Variants in DIS3L2 observed in about 807,000 individuals in gnomAD.
DIS3L2 encodes the protein DIS3 like 3'-5' exoribonuclease 2.
DIS3L2 carries 34 observed loss-of-function variants against 97.5 expected under a neutral mutation model. The observed-to-expected ratio is 0.35, with a 90% CI of 0.27 to 0.46. The LOEUF (loss-of-function observed/expected upper bound fraction) is 0.46, where lower values mean the gene tolerates loss of function less well. Among genes scored for constraint, DIS3L2 ranks in the 20% least tolerant of loss-of-function variants. The probability of loss-of-function intolerance (pLI) is 1.00; values close to 1 mark genes in which losing one functional copy is unlikely to be tolerated. For missense variants in DIS3L2, 1,038 were observed against 1,146.0 expected, an observed-to-expected ratio of 0.91 and a Z score of 1.36; for synonymous variants, 435 against 445.2, an observed-to-expected ratio of 0.98 and a Z score of 0.29.
chr2:232,171,363 T>C lies in DIS3L2; in HGVS notation c.1124+7731T>C, dbSNP rs1343543851. On this transcript the variant is annotated intron_variant, in intron 9 of 20. Transcript: ENST00000325385. ...TTTTGCAACTTTCTGAACTAGGTAT[T>C]TCAAACCCCTCTAGCTCTAACAGAG... is the stretch of plus-strand genomic sequence containing the variant. Among the ~76,000 whole-genome samples, 3 of 152,184 alleles carry C rather than the reference T, an allele frequency of 2.0e-5. No individual in the cohort carries two copies. The East Asian group carries it at 5.8e-4, about 29-fold the overall frequency.
rs555003049 is a variant in DIS3L2, at chr2:232,326,734, T to C, written c.1740-3079T>C. Among the ~76,000 whole-genome samples the C allele has an allele frequency of 1.8e-4, 26 of 147,186 alleles. 3 individuals are homozygous for C. In the Middle Eastern group the frequency reaches 0.01, roughly 59 times the overall value. On this transcript the variant is annotated intron_variant, in intron 14 of 20. Transcript: ENST00000325385. The stretch of plus-strand genomic sequence containing the variant: ...GGCCAGAGCTCCACAGGTGCTGTCC[T>C]GACTCCCAGCCCCAGGAGGGAGGGA...
intron 12 of DIS3L2, chr2:232,260,461 A>G (rs1300260415): frequency 6.6e-6 from 1 of 152,252 alleles, no homozygotes; most frequent in Non-Finnish European, 1.5e-5. Flanking sequence ...AATTGACTCT[A>G]CAGTTGCTTT....
intron 6 of DIS3L2, among the ~76,000 whole-genome samples, chr2:232,116,219 T>TAAAA (rs1282000103): frequency 6.7e-6 from 1 of 150,200 alleles, no homozygotes; most frequent in Admixed American, 6.7e-5. Flanking sequence ...AATAAATAAA[T>TAAAA]AAAACAGATG....
At chr2:232,240,736 AT>A (rs1193911398) in intron 11 of DIS3L2, among the ~76,000 whole-genome samples, 1 of 152,188 alleles carries the variant, frequency 6.6e-6, no homozygotes, top group East Asian at 1.9e-4. Flanking sequence ...GCTTAAGAGA[AT>A]GCAGTGCAAA....
rs1694638034 is a variant in DIS3L2, at chr2:232,292,915, AC to A, written c.1660-7122del. On this transcript the variant is annotated intron_variant, in intron 13 of 20. Transcript: ENST00000325385. This position sits in a 1 kb window ranked among gnomAD's most constrained non-coding sequence, Gnocchi z 4.4. ...ACCGTTGTGCAGTTGGAAACTGTCC[AC>A]CCAGGGAAGCCTGTTCCTGGGGAAA... 6.6e-6 allele frequency among the ~76,000 whole-genome samples: 1 copy of A among 152,070 alleles called. No homozygotes were observed. The highest frequency in any genetic ancestry group is 2.4e-5 in the African/African-American group (1 of 41,402).
rs1259763705 is a variant in DIS3L2, at chr2:232,257,478, A to C, written c.1426-5729A>C. Among the ~76,000 whole-genome samples the C allele has an allele frequency of 2.0e-5, 3 of 152,070 alleles. No homozygotes were observed. In the East Asian group the frequency reaches 5.8e-4, roughly 29 times the overall value. Reference sequence around the variant, plus strand: ...ATTGCCCTGTTTTCGTAGCTCTAAGAAGCAGCCAAAATCCACTCCACCTCC... The same window carrying C: ...ATTGCCCTGTTTTCGTAGCTCTAAGCAGCAGCCAAAATCCACTCCACCTCC... On this transcript the variant is annotated intron_variant, in intron 12 of 20. Coordinates refer to ENST00000325385, the MANE Select transcript of DIS3L2 (RefSeq NM_152383.5).
chr2:232,091,142 G>T (rs1226788220), intron 6 of DIS3L2, among the ~76,000 whole-genome samples: 1 of 152,190 alleles, frequency 6.6e-6, no homozygotes, highest in East Asian at 1.9e-4. Flanking sequence ...ATAGAAAGCT[G>T]CCATCCATGT....
At position 232,173,469 on chromosome 2, in the gene DIS3L2, T is replaced by G. The variant is rs189582719; in HGVS notation, c.1124+9837T>G. Among the ~76,000 whole-genome samples the G allele has an allele frequency of 3.7e-3, 560 of 152,236 alleles. 2 individuals are homozygous for G. Among genetic ancestry groups the G allele is most frequent in the Non-Finnish European group, 5.9e-3 (401 of 68,012 alleles). ...CTGGTCTCCAACTCCTGACCTCAAGTGATCCACCAGCCTCAGCCTCCCAAA... is the reference window on the plus strand; with the variant it reads ...CTGGTCTCCAACTCCTGACCTCAAGGGATCCACCAGCCTCAGCCTCCCAAA... On this transcript the variant is annotated intron_variant, in intron 9 of 20. Transcript: ENST00000325385.
chr2:231,987,618 C>A (rs1003899349), intron 1 of DIS3L2, among the ~76,000 whole-genome samples: 1 of 152,168 alleles, frequency 6.6e-6, no homozygotes, highest in African/African-American at 2.4e-5. Flanking sequence ...AGAAGGCATG[C>A]GTAAGCACTG....
intron 7 of DIS3L2, among the ~76,000 whole-genome samples, chr2:232,134,149 A>G (rs1698294768): frequency 6.6e-6 from 1 of 152,088 alleles, no homozygotes; most frequent in Admixed American, 6.6e-5. Context: ...AATTTGAACA[A>G]AGAAAGTATA....
intron 5 of DIS3L2, among the ~76,000 whole-genome samples, chr2:232,056,929 G>A (rs1284368685): frequency 1.3e-5 from 2 of 152,076 alleles, no homozygotes; most frequent in South Asian, 2.1e-4. Context: ...ATGCCCAACA[G>A]TAATGGGTAC....
At chr2:232,275,577 T>A (rs1212602624) in intron 13 of DIS3L2, among the ~76,000 whole-genome samples, 1 of 152,256 alleles carries the variant, frequency 6.6e-6, no homozygotes, top group Non-Finnish European at 1.5e-5. Context: ...ACGGTTTGTT[T>A]TGCTTTATAA....
At chr2:232,045,258 A>G (rs943568109) in intron 5 of DIS3L2, among the ~76,000 whole-genome samples, 12 of 152,178 alleles carry the variant, frequency 7.9e-5, no homozygotes, top group Non-Finnish European at 1.5e-4. Context: ...AAATATGGCT[A>G]GAGGGGAGAT....
chr2:232,207,225 A>G (rs539630377), intron 9 of DIS3L2, among the ~76,000 whole-genome samples: 1 of 152,318 alleles, frequency 6.6e-6, no homozygotes, highest in Non-Finnish European at 1.5e-5. Context: ...CTCAGTGTAT[A>G]TAAAACATTT....
intron 3 of DIS3L2, among the ~76,000 whole-genome samples, chr2:232,022,834 C>T (rs1031695365): frequency 6.6e-6 from 1 of 151,644 alleles, no homozygotes; most frequent in Non-Finnish European, 1.5e-5. Context: ...AAGTTTTTTC[C>T]CTCCTTCCCT....
intron 1 of DIS3L2, among the ~76,000 whole-genome samples, chr2:231,964,421 C>G (rs982349085): frequency 6.6e-6 from 1 of 152,058 alleles, no homozygotes; most frequent in African/African-American, 2.4e-5. Flanking sequence ...GTGAAATTTG[C>G]TACATTGAAG....
chr2:232,027,935 C>G (rs1390324522), intron 4 of DIS3L2, among the ~76,000 whole-genome samples: 1 of 152,134 alleles, frequency 6.6e-6, no homozygotes, highest in Admixed American at 6.5e-5. Flanking sequence ...GAAAATTGAT[C>G]AGATGGAAAA....
intron 14 of DIS3L2, among the ~76,000 whole-genome samples, chr2:232,324,234 C>G (rs1277345358): frequency 2.0e-5 from 3 of 152,330 alleles, no homozygotes; most frequent in South Asian, 2.1e-4. Flanking sequence ...AGCTTACAGG[C>G]AGCGTGTGCC....
At chr2:232,187,731 G>C (rs1691480515) in intron 9 of DIS3L2, among the ~76,000 whole-genome samples, 1 of 152,246 alleles carries the variant, frequency 6.6e-6, no homozygotes, top group African/African-American at 2.4e-5. Flanking sequence ...GTGAGCCACT[G>C]TGCCTGAATG....
Sources: allele counts gnomAD v4.1 joint callset (sites outside exome capture counted in the v4.1 genomes callset), GRCh38; gene constraint gnomAD v4.1.1; non-coding constraint Gnocchi (gnomAD v3.1); transcripts MANE v1.5; gene names NCBI Gene and HGNC (gene_info 2026-07-23, HGNC 2026-07-21).